PCDHGA6: variants seen among roughly 807,000 people sequenced by gnomAD.
The protein encoded by PCDHGA6 is protocadherin gamma-A6.
Under a neutral mutation model 60.6 loss-of-function variants are expected in PCDHGA6, and 41 were observed. The observed-to-expected ratio is 0.68, with a 90% CI of 0.53 to 0.88. The LOEUF (loss-of-function observed/expected upper bound fraction) is 0.88. PCDHGA6 is among the 40% of genes least tolerant of loss of function. The probability of loss-of-function intolerance (pLI) is 0.00; values close to 1 mark genes in which losing one functional copy is unlikely to be tolerated. For missense variants in PCDHGA6, 1,312 were observed against 1,203.0 expected, an observed-to-expected ratio of 1.09 and a Z score of -1.34; for synonymous variants, 594 against 524.4, an observed-to-expected ratio of 1.13 and a Z score of -1.81.
In PCDHGA6 at chr5:141,376,483, G is replaced by C. The variant is rs139873493; in HGVS notation, c.2400G>C (p.Thr800=). 1.9e-6 allele frequency: 3 copies of C among 1,614,058 alleles called. No individual in the cohort carries two copies. The highest frequency in any genetic ancestry group is 2.2e-5 in the East Asian group (1 of 44,882). Reference sequence around the variant, plus strand: ...TGATAACTCAGGATTTACTTGAAACGAAAGGAGAACCCAGGCAACTTCAGG... The same window carrying C: ...TGATAACTCAGGATTTACTTGAAACCAAAGGAGAACCCAGGCAACTTCAGG... The part of the protein sequence containing the change: ...PLLITQDLLE[T]KGEPRQLQQA... The change falls in exon 1 of 4, where the codon ACG becomes ACC. Residue 800 remains threonine (T), a synonymous_variant. Coordinates refer to ENST00000517434, the MANE Select transcript of PCDHGA6 (RefSeq NM_018919.3).
chr5:141,434,429 C>T (rs1379210960), intron 1 of PCDHGA6, among the ~76,000 whole-genome samples: 2 of 152,152 alleles, frequency 1.3e-5, no homozygotes, highest in Admixed American at 6.5e-5. Flanking sequence ...TCATGATGGC[C>T]GTAATGCCCA....
chr5:141,459,580 G>C (rs1364413383), intron 1 of PCDHGA6, among the ~76,000 whole-genome samples: 1 of 152,118 alleles, frequency 6.6e-6, no homozygotes, highest in Non-Finnish European at 1.5e-5. Flanking sequence ...GAATTGTTTT[G>C]GGGGTCATAT....
At chr5:141,415,702 GC>G (rs754496290) in intron 1 of PCDHGA6, 1 of 1,403,056 alleles carries the variant, frequency 7.1e-7, no homozygotes, top group South Asian at 1.3e-5. Context: ...AAGTGTAAAT[GC>G]TAAAACACTG....
At position 141,489,783 on chromosome 5, in the gene PCDHGA6, T is replaced by C; in HGVS notation, c.2425-5024T>C. The C allele has an allele frequency of 6.2e-7, 1 of 1,614,164 alleles. No individual in the cohort carries two copies. On this transcript the variant is annotated intron_variant, in intron 1 of 3. Transcript: ENST00000517434. The surrounding 1 kb of genome is among the most constrained non-coding windows in gnomAD (Gnocchi z 4.5). ...GCCCCAACAGCCACTTCTCTCTGAA[T>C]GTGAAGACCCTAAAAGATGGGAAGC... is the stretch of plus-strand genomic sequence containing the variant.
In PCDHGA6 at chr5:141,486,585, GGGA is replaced by G; in HGVS notation, c.2425-8221_2425-8219del. The G allele has an allele frequency of 6.2e-7, 1 of 1,613,708 alleles. No individual in the cohort carries two copies. Among genetic ancestry groups the G allele is most frequent in the Non-Finnish European group, 8.5e-7 (1 of 1,180,024 alleles). On this transcript the variant is annotated intron_variant, in intron 1 of 3. Transcript: ENST00000517434. This position sits in a 1 kb window ranked among gnomAD's most constrained non-coding sequence, Gnocchi z 5.0. ...TTTGTTCCTGAGAACAATCGCCCAG[GGGA>G]CCTGCTTTGCTCCCTTGCAGCCTCT...
At chr5:141,399,625 T>C (rs1270466401) in intron 1 of PCDHGA6, 9 of 1,613,796 alleles carry the variant, frequency 5.6e-6, no homozygotes, top group African/African-American at 1.3e-5. Context: ...ACTGGCCTCT[T>C]ACGTGTCCAT....
At chr5:141,435,054 C>A (rs891988253) in intron 1 of PCDHGA6, among the ~76,000 whole-genome samples, 7 of 151,964 alleles carry the variant, frequency 4.6e-5, no homozygotes, top group Admixed American at 1.3e-4. Context: ...ATTGACCATG[C>A]AGCAGTTTTG....
intron 1 of PCDHGA6, among the ~76,000 whole-genome samples, chr5:141,436,604 G>A (rs2097836057): frequency 6.6e-6 from 1 of 152,146 alleles, no homozygotes; most frequent in Admixed American, 6.5e-5. Context: ...GTGATGGCTA[G>A]GGCTAACAAA....
intron 1 of PCDHGA6, chr5:141,379,005 C>T (rs556550665): frequency 4.6e-4 from 70 of 152,174 alleles, no homozygotes; most frequent in Non-Finnish European, 6.8e-4. Context: ...CAAGATTTTT[C>T]TCCAGTCATG....
chr5:141,396,893 A>G (rs1441946913), intron 1 of PCDHGA6, among the ~76,000 whole-genome samples: 2 of 152,226 alleles, frequency 1.3e-5, no homozygotes, highest in Non-Finnish European at 1.5e-5. Flanking sequence ...AGGACAACAT[A>G]TTATTGGCAC....
At chr5:141,384,580 G>C in intron 1 of PCDHGA6, 1 of 1,614,196 alleles carries the variant, frequency 6.2e-7, no homozygotes, top group Non-Finnish European at 8.5e-7. Flanking sequence ...CAACCCGCCC[G>C]AGATCCTGTA....
At position 141,433,052 on chromosome 5, in the gene PCDHGA6, A is replaced by G. The variant is rs757503771; in HGVS notation, c.2424+56545A>G. The G allele has an allele frequency of 3.1e-6, 5 of 1,614,178 alleles. No individual in the cohort carries two copies. In the Admixed American group the frequency reaches 8.3e-5, roughly 27 times the overall value. ...GGTTTCCCTCACCACGGACTCGCGG[A>G]AGAGTCACCTGATCTTCCCCCAGCC... On this transcript the variant is annotated intron_variant, in intron 1 of 3. Transcript: ENST00000517434.
chr5:141,410,018 T>C (rs773806211), intron 1 of PCDHGA6: 1 of 1,613,166 alleles, frequency 6.2e-7, no homozygotes, highest in African/African-American at 1.3e-5. Context: ...CTGGCTGTCC[T>C]ACCACGTGCT....
chr5:141,477,265 G>A lies in PCDHGA6; in HGVS notation c.2425-17542G>A. The A allele has an allele frequency of 6.2e-7, 1 of 1,614,198 alleles. No individual in the cohort carries two copies. Among genetic ancestry groups the A allele is most frequent in the African/African-American group, 1.3e-5 (1 of 75,048 alleles). On this transcript the variant is annotated intron_variant, in intron 1 of 3. Transcript: ENST00000517434. The surrounding 1 kb of genome is among the most constrained non-coding windows in gnomAD (Gnocchi z 4.9). ...GTGTGACTGACCTGGATGCTGGCGA[G>A]AACGGGCTGGTGACCTGCGAAGTTC...
At position 141,394,528 on chromosome 5, in the gene PCDHGA6, C is replaced by T. The variant is rs1465272752; in HGVS notation, c.2424+18021C>T. Reference sequence around the variant, plus strand: ...TACCCCGCCCTCCCCACAGACGGTTCCACTGGCGTGGAGCTGGCGCCCCGC... The same window carrying T: ...TACCCCGCCCTCCCCACAGACGGTTTCACTGGCGTGGAGCTGGCGCCCCGC... On this transcript the variant is annotated intron_variant, in intron 1 of 3. Transcript: ENST00000517434. 3 of 1,614,096 alleles carry T rather than the reference C, an allele frequency of 1.9e-6. No individual in the cohort carries two copies. The highest frequency in any genetic ancestry group is 2.5e-6 in the Non-Finnish European group (3 of 1,180,058).
At chr5:141,418,013 A>G (rs769578436) in intron 1 of PCDHGA6, 45 of 1,613,788 alleles carry the variant, frequency 2.8e-5, no homozygotes, top group African/African-American at 4.0e-5. Flanking sequence ...GAACCTCGCT[A>G]AGGATCTAGG....
At chr5:141,409,024 T>C (rs2095212064) in intron 1 of PCDHGA6, 2 of 1,613,988 alleles carry the variant, frequency 1.2e-6, no homozygotes, top group South Asian at 1.1e-5. Context: ...AGGGGGTCAA[T>C]GCTGAGATAA....
At chr5:141,414,932 C>T (rs770025434) in intron 1 of PCDHGA6, 3 of 1,614,162 alleles carry the variant, frequency 1.9e-6, no homozygotes, top group Middle Eastern at 1.7e-4. Context: ...CCCCGCTCCG[C>T]AGAGCCCGGC....
intron 1 of PCDHGA6, chr5:141,415,749 T>C: frequency 8.2e-7 from 1 of 1,214,000 alleles, no homozygotes; most frequent in Non-Finnish European, 1.1e-6. Flanking sequence ...GGTTTTTTTT[T>C]TTTTTTTTTT....
Sources: allele counts gnomAD v4.1 joint callset (sites outside exome capture counted in the v4.1 genomes callset), GRCh38; gene constraint gnomAD v4.1.1; non-coding constraint Gnocchi (gnomAD v3.1); transcripts MANE v1.5; gene names NCBI Gene and HGNC (gene_info 2026-07-23, HGNC 2026-07-21).